Variants in GBX1 observed in about 807,000 individuals in gnomAD.
GBX1 encodes the protein gastrulation brain homeobox 1.
A neutral mutation model predicts 22.9 loss-of-function variants in GBX1; 9 were observed. The ratio of observed to expected loss-of-function variants is 0.39; its 90% CI spans 0.24 to 0.69. GBX1 has a LOEUF of 0.69. GBX1 is among the 30% of genes least tolerant of loss of function. GBX1 has a pLI of 0.43. For missense variants in GBX1, 494 were observed against 509.2 expected (o/e 0.97, Z 0.29); for synonymous variants, 203 against 227.3 (o/e 0.89, Z 0.96).
chr7:151,156,613 A>T (rs1801138615), intron 1 of GBX1, among the ~76,000 whole-genome samples: 1 of 151,856 alleles, frequency 6.6e-6, no homozygotes, highest in African/African-American at 2.4e-5. Flanking sequence ...CAAAATTCCC[A>T]CCAAATCTTT....
chr7:151,149,615 G>C (rs533704360), intron 1 of GBX1, among the ~76,000 whole-genome samples: 23 of 152,308 alleles, frequency 1.5e-4, no homozygotes, highest in South Asian at 8.3e-4. Context: ...GGAGCCACTG[G>C]GGGGAGGAGT....
At chr7:151,164,130 G>A (rs1050009347) in intron 1 of GBX1, among the ~76,000 whole-genome samples, 6 of 152,140 alleles carry the variant, frequency 3.9e-5, no homozygotes, top group Non-Finnish European at 7.4e-5. Flanking sequence ...ATTTAAACGG[G>A]TTAGCAGTTG....
chr7:151,161,993 T>C (rs1452240873), intron 1 of GBX1, among the ~76,000 whole-genome samples: 1 of 152,220 alleles, frequency 6.6e-6, no homozygotes, highest in East Asian at 1.9e-4. Flanking sequence ...TCTGTAGTAA[T>C]AGACAGACAA....
At chr7:151,160,031 C>T (rs1207479079) in intron 1 of GBX1, among the ~76,000 whole-genome samples, 5 of 152,176 alleles carry the variant, frequency 3.3e-5, no homozygotes, top group African/African-American at 9.7e-5. Flanking sequence ...GACTACAACA[C>T]CACTGAAAAG....
At chr7:151,158,413 CAG>C (rs913701098) in intron 1 of GBX1, among the ~76,000 whole-genome samples, 1 of 151,520 alleles carries the variant, frequency 6.6e-6, no homozygotes, top group Non-Finnish European at 1.5e-5. Context: ...TATGAGGGAA[CAG>C]AAATTTTTTG....
intron 1 of GBX1, among the ~76,000 whole-genome samples, chr7:151,154,538 G>A (rs933428865): frequency 5.5e-4 from 84 of 152,316 alleles, no homozygotes; most frequent in Middle Eastern, 3.4e-3. Context: ...AGTCTAATCT[G>A]TGAAAAACAG....
intron 1 of GBX1, among the ~76,000 whole-genome samples, chr7:151,150,588 C>T (rs1430871938): frequency 6.6e-6 from 1 of 152,196 alleles, no homozygotes; most frequent in Non-Finnish European, 1.5e-5. Context: ...AGAACATCTC[C>T]TGGCAGTCAG....
chr7:151,150,532 C>G (rs181921880), intron 1 of GBX1, among the ~76,000 whole-genome samples: 1 of 152,084 alleles, frequency 6.6e-6, no homozygotes, highest in African/African-American at 2.4e-5. Flanking sequence ...ATTCAGGGCA[C>G]GGGGAAAGGC....
chr7:151,156,493 A>G (rs1801137088), intron 1 of GBX1, among the ~76,000 whole-genome samples: 1 of 151,456 alleles, frequency 6.6e-6, no homozygotes, highest in African/African-American at 2.4e-5. Context: ...AATCATTAAT[A>G]TCTTCCCTTA....
In GBX1 at chr7:151,167,329, C is replaced by A. The variant is rs1240273534; in HGVS notation, c.220G>T (p.Ala74Ser). The stretch of plus-strand genomic sequence containing the variant: ...CGGCCGGCGAAAGAGGCTAGCGGGG[C>A]GAGGGGCGGGAGGCCAGCGGGCAGC... ...APLPAGLPPL[A>S]PLASFAGRLT... Residue 74 changes from alanine (A) to serine (S), a missense_variant, in exon 1 of 2, where the codon GCC becomes TCC. Ala to Ser is a moderately conservative substitution (Grantham distance 99, BLOSUM62 1). Around this residue, in one of 3 missense-constraint regions of GBX1, gnomAD observed 365 missense variants for 340.4 expected, o/e 1.07. Transcript: ENST00000297537. The surrounding 1 kb of genome is among the most constrained non-coding windows in gnomAD (Gnocchi z 5.9). The A allele has an allele frequency of 2.5e-5, 38 of 1,516,358 alleles. No homozygotes were observed. Among genetic ancestry groups the A allele is most frequent in the African/African-American group, 1.4e-5 (1 of 69,182 alleles). The allele number at this position is 1,516,358 out of a possible 1,614,324, so 93.9% of individuals were successfully genotyped here. A position where few individuals can be genotyped will look rare whatever the true frequency, so the allele number is the denominator to read the frequency against.
In GBX1 at chr7:151,148,653, A is replaced by C; in HGVS notation, c.1028T>G (p.Val343Gly). Residue 343 changes from valine to glycine, a missense_variant, in exon 2 of 2, where the codon GTG becomes GGG. By Grantham distance (109) the Val-to-Gly change is moderately radical (BLOSUM62 -3). Transcript: ENST00000297537. The surrounding 1 kb of genome is among the most constrained non-coding windows in gnomAD (Gnocchi z 5.1). ...CCGCACAGCAAACCTGTTGACATGC[A>C]CAGGTATGGGGACAACAATCTTGGG... is the stretch of plus-strand genomic sequence containing the variant. ...RNPKIVVPIPVHVNRFAVRSQ... is the reference protein window; with the variant it reads ...RNPKIVVPIPGHVNRFAVRSQ... 6.2e-7 allele frequency: 1 copy of C among 1,613,980 alleles called. No homozygotes were observed. Among genetic ancestry groups the C allele is most frequent in the Non-Finnish European group, 8.5e-7 (1 of 1,180,000 alleles).
intron 1 of GBX1, among the ~76,000 whole-genome samples, chr7:151,163,292 A>G (rs1433390924): frequency 2.0e-5 from 3 of 151,680 alleles, no homozygotes; most frequent in Non-Finnish European, 4.4e-5. Flanking sequence ...CATCCCACCT[A>G]AGACAGAATT....
intron 1 of GBX1, among the ~76,000 whole-genome samples, chr7:151,155,820 T>G (rs754866947): frequency 2.0e-4 from 31 of 152,158 alleles, no homozygotes; most frequent in Non-Finnish European, 3.2e-4. Context: ...AGATCTATTA[T>G]TAGTAGTAAT....
chr7:151,165,146 T>A (rs952808127), intron 1 of GBX1, among the ~76,000 whole-genome samples: 1 of 152,214 alleles, frequency 6.6e-6, no homozygotes, highest in African/African-American at 2.4e-5. Context: ...CATCCCCTGG[T>A]CCTTTCCTCT....
At chr7:151,156,421 A>T (rs1282257635) in intron 1 of GBX1, among the ~76,000 whole-genome samples, 1 of 150,128 alleles carries the variant, frequency 6.7e-6, no homozygotes, top group Admixed American at 6.7e-5. Flanking sequence ...AAAAAACGAA[A>T]AAAAAGAGAG....
intron 1 of GBX1, among the ~76,000 whole-genome samples, chr7:151,159,505 C>T (rs559077215): frequency 1.5e-4 from 23 of 152,278 alleles, no homozygotes; most frequent in African/African-American, 4.8e-4. Context: ...CTACCTCAGC[C>T]TTCTGAGTAG....
chr7:151,158,794 C>T (rs891794020), intron 1 of GBX1, among the ~76,000 whole-genome samples: 6 of 152,170 alleles, frequency 3.9e-5, no homozygotes, highest in East Asian at 1.9e-4. Flanking sequence ...CCCAGGAAAG[C>T]GCCTCACATA....
chr7:151,149,701 GTCC>G, intron 1 of GBX1: 1 of 333,366 alleles, frequency 3.0e-6, no homozygotes, highest in Non-Finnish European at 5.9e-6. Flanking sequence ...TCTCCTAGGA[GTCC>G]TCATCTGGCC....
intron 1 of GBX1, among the ~76,000 whole-genome samples, chr7:151,151,650 C>G (rs1801080704): frequency 6.6e-6 from 1 of 152,218 alleles, no homozygotes; most frequent in Non-Finnish European, 1.5e-5. Flanking sequence ...TTACTCCTCT[C>G]TCTCACAACC....
Sources: gnomAD v4.1 joint callset for allele counts (sites outside exome capture counted in the v4.1 genomes callset) on GRCh38, gnomAD v4.1.1 for gene constraint, gnomAD v4.1.1 regional missense constraint, Gnocchi (gnomAD v3.1) non-coding constraint, MANE v1.5 for transcripts, NCBI Gene and HGNC (gene_info 2026-07-23, HGNC 2026-07-21) for gene names.